The following SIK3 variants were observed in gnomAD, a reference collection of about 807,000 sequenced individuals.
The protein encoded by SIK3 is serine/threonine-protein kinase SIK3.
Under a neutral mutation model 144.2 loss-of-function variants are expected in SIK3, and 28 were observed. The ratio of observed to expected loss-of-function variants is 0.19; its 90% confidence interval spans 0.14 to 0.27. The LOEUF (loss-of-function observed/expected upper bound fraction) is 0.27, where lower values mean the gene tolerates loss of function less well. Ranked by LOEUF, SIK3 falls within the 10% of genes least tolerant of loss-of-function variation. The probability of loss-of-function intolerance (pLI) is 1.00; values close to 1 mark genes in which losing one functional copy is unlikely to be tolerated. For missense variants in SIK3, 1,319 were observed against 1,776.0 expected, an observed-to-expected ratio of 0.74 and a Z score of 4.62; for synonymous variants, 686 against 676.3, an observed-to-expected ratio of 1.01 and a Z score of -0.22.
chr11:117,059,068 C>T (rs1953683038), intron 1 of SIK3, among the ~76,000 whole-genome samples: 5 of 152,144 alleles, frequency 3.3e-5, no homozygotes, highest in Admixed American at 3.3e-4. Context: ...AGAAAATAAA[C>T]TCAGCAAATG....
intron 1 of SIK3, among the ~76,000 whole-genome samples, chr11:117,062,013 T>C (rs989675246): frequency 6.6e-6 from 1 of 150,900 alleles, no homozygotes; most frequent in East Asian, 1.9e-4. Flanking sequence ...CAATTGGGTA[T>C]AGATTTTTTT....
chr11:117,038,198 C>A (rs77393043), intron 1 of SIK3, among the ~76,000 whole-genome samples: 3,743 of 152,240 alleles, frequency 0.025, 84 homozygotes, highest in South Asian at 0.11. Flanking sequence ...CCTTCTCCCC[C>A]TCTTCCAAGC....
chr11:116,934,587 G>A (rs1399135529), intron 3 of SIK3, among the ~76,000 whole-genome samples: 1 of 152,174 alleles, frequency 6.6e-6, no homozygotes, highest in Admixed American at 6.5e-5. Context: ...CACAGGATAT[G>A]CTTTAGTTTT....
chr11:117,095,908 A>T (rs1955453114), intron 1 of SIK3, among the ~76,000 whole-genome samples: 1 of 152,248 alleles, frequency 6.6e-6, no homozygotes, highest in Non-Finnish European at 1.5e-5. Context: ...GACTTTGAAT[A>T]TTTCCATACA....
chr11:116,940,067 T>C (rs1247415496), intron 3 of SIK3, among the ~76,000 whole-genome samples: 2 of 152,226 alleles, frequency 1.3e-5, no homozygotes, highest in African/African-American at 4.8e-5. Flanking sequence ...TGTAGACTTC[T>C]GTTTTGATTA....
intron 1 of SIK3, among the ~76,000 whole-genome samples, chr11:117,049,371 A>G (rs1953118821): frequency 6.6e-6 from 1 of 152,240 alleles, no homozygotes; most frequent in Non-Finnish European, 1.5e-5. Flanking sequence ...TAAGGTCAGG[A>G]GTTCGAGACC....
intron 21 of SIK3, among the ~76,000 whole-genome samples, chr11:116,854,572 A>G (rs984006289): frequency 6.6e-6 from 1 of 152,110 alleles, no homozygotes; most frequent in African/African-American, 2.4e-5. Flanking sequence ...CTGCATTCTC[A>G]CAGCACCTAC....
chr11:117,016,381 AGAGAG>A (rs1951531316), intron 1 of SIK3, among the ~76,000 whole-genome samples: 2 of 89,262 alleles, frequency 2.2e-5, no homozygotes, highest in East Asian at 3.6e-4. Context: ...AGAGGGAGGG[AGAGAG>A]GGAGGGAGGG....
chr11:116,995,429 A>C (rs758487845), intron 1 of SIK3, among the ~76,000 whole-genome samples: 3 of 151,658 alleles, frequency 2.0e-5, no homozygotes, highest in Non-Finnish European at 2.9e-5. Context: ...ACACCCAGCT[A>C]ATTTTTGTAT....
intron 1 of SIK3, among the ~76,000 whole-genome samples, chr11:117,047,784 A>AT (rs1953037152): frequency 6.6e-6 from 1 of 152,246 alleles, no homozygotes; most frequent in South Asian, 2.1e-4. Context: ...ATTTACTTAT[A>AT]TAAAAAATAG....
chr11:116,868,234 A>G, intron 14 of SIK3, 145 bp from the exon 15 acceptor site: 1 of 1,067,280 alleles, frequency 9.4e-7, no homozygotes, highest in Admixed American at 2.1e-5. Context: ...CCCTGCCTGG[A>G]TGGAAGTGAG....
At chr11:116,994,196 A>G (rs1950585321) in intron 1 of SIK3, among the ~76,000 whole-genome samples, 1 of 152,218 alleles carries the variant, frequency 6.6e-6, no homozygotes, top group Non-Finnish European at 1.5e-5. Context: ...TGTTATTTGT[A>G]AGTAACCAGT....
intron 1 of SIK3, among the ~76,000 whole-genome samples, chr11:117,032,894 T>C (rs575977572): frequency 3.3e-5 from 5 of 152,152 alleles, no homozygotes; most frequent in Non-Finnish European, 7.4e-5. Context: ...GTATAAAATA[T>C]CTTACCATAA....
At chr11:116,921,669 G>A (rs945461244) in intron 4 of SIK3, among the ~76,000 whole-genome samples, 4 of 152,066 alleles carry the variant, frequency 2.6e-5, no homozygotes, top group South Asian at 2.1e-4. Flanking sequence ...TCTCCCTGTC[G>A]TAAAATTCTT....
chr11:116,926,650 C>T (rs1477273404), intron 4 of SIK3, among the ~76,000 whole-genome samples: 1 of 152,096 alleles, frequency 6.6e-6, no homozygotes, highest in Non-Finnish European at 1.5e-5. Context: ...AAAAAGGACC[C>T]GTTAACCAAA....
chr11:116,858,070 G>T lies in SIK3; in HGVS notation c.3395C>A (p.Ala1132Asp), dbSNP rs777771419. The T allele has an allele frequency of 6.2e-7, 1 of 1,613,828 alleles. No homozygotes were observed. ...ASSPTPPHGY[A>D]HQPALMHSES... ...TGAATGCATCAGTGCCGGCTGGTGA[G>T]CATACCCGTGGGGCGGGGTGGGTGA... Residue 1132 changes from alanine (A) to aspartate (D), a missense_variant, in exon 21 of 25, where the codon GCT becomes GAT. Around this residue, in one of 8 missense-constraint regions of SIK3, gnomAD observed 646 missense variants for 763.7 expected, o/e 0.85. Coordinates refer to ENST00000445177, the MANE Select transcript of SIK3 (RefSeq NM_001366686.3). The surrounding 1 kb of genome is among the most constrained non-coding windows in gnomAD (Gnocchi z 5.4).
chr11:116,984,050 C>CAAAAAAAA (rs35403684), intron 1 of SIK3, among the ~76,000 whole-genome samples: 3 of 80,874 alleles, frequency 3.7e-5, no homozygotes, highest in Admixed American at 1.3e-4. Context: ...GACCCTGACT[C>CAAAAAAAA]AAAAAAAAAA....
At chr11:116,939,860 G>A (rs966479211) in intron 3 of SIK3, among the ~76,000 whole-genome samples, 1 of 152,170 alleles carries the variant, frequency 6.6e-6, no homozygotes, top group African/African-American at 2.4e-5. Flanking sequence ...AGATGAGGTT[G>A]TCACAGATTA....
At chr11:117,089,920 C>A (rs891493022) in intron 1 of SIK3, among the ~76,000 whole-genome samples, 1 of 152,128 alleles carries the variant, frequency 6.6e-6, no homozygotes, top group African/African-American at 2.4e-5. Flanking sequence ...AGATAAAATA[C>A]CATCAGTGTC....
Sources: allele counts gnomAD v4.1 joint callset (sites outside exome capture counted in the v4.1 genomes callset), GRCh38; gene constraint gnomAD v4.1.1; regional missense constraint gnomAD v4.1.1; non-coding constraint Gnocchi (gnomAD v3.1); transcripts MANE v1.5; gene names NCBI Gene and HGNC (gene_info 2026-07-23, HGNC 2026-07-21).